The following SLC75A1 variants were observed in gnomAD, a reference collection of about 807,000 sequenced individuals.
SLC75A1 encodes the protein solute carrier family 75 member 1.
the SLC75A1 span, chr4:2,932,321 A>T: frequency 6.2e-7 from 1 of 1,602,802 alleles, no homozygotes; most frequent in Non-Finnish European, 8.5e-7. Context: ...TCCAGCCCCT[A>T]GGCCTGTGGG....
the SLC75A1 span, chr4:2,931,692 C>T: frequency 1.9e-6 from 3 of 1,598,774 alleles, no homozygotes; most frequent in African/African-American, 4.0e-5. Flanking sequence ...GTGCAGGGCA[C>T]CCGGGGCAGG....
At chr4:2,931,663 G>A in the SLC75A1 span, 2 of 1,611,848 alleles carry the variant, frequency 1.2e-6, no homozygotes, top group Middle Eastern at 3.3e-4. Context: ...CCTGCTGTAG[G>A]CTGGGAGCGG....
At chr4:2,932,442 T>G in the SLC75A1 span, 2 of 1,613,658 alleles carry the variant, frequency 1.2e-6, no homozygotes, top group Middle Eastern at 3.3e-4. Flanking sequence ...GGGTGCCATT[T>G]CCAGGGGCAG....
chr4:2,930,755 G>C, the SLC75A1 span: 1 of 1,462,772 alleles, frequency 6.8e-7, no homozygotes, highest in Non-Finnish European at 9.2e-7. Flanking sequence ...GGACTGGCGG[G>C]GGGTGGGGGT....
the SLC75A1 span, chr4:2,933,043 C>T: frequency 5.9e-6 from 9 of 1,513,632 alleles, no homozygotes; most frequent in Non-Finnish European, 6.4e-6. Context: ...CCACCTAACC[C>T]CATGGGGCTA....
the SLC75A1 span, chr4:2,932,366 C>T: frequency 8.1e-6 from 13 of 1,613,172 alleles, no homozygotes; most frequent in Non-Finnish European, 1.1e-5. Flanking sequence ...TCTCCAGGGG[C>T]AGCGTCTCTG....
At chr4:2,932,716 T>C in the SLC75A1 span, 1 of 1,598,878 alleles carries the variant, frequency 6.3e-7, no homozygotes, top group Non-Finnish European at 8.5e-7. Context: ...GCCGCAAAGC[T>C]CCGAGAGGTG....
the SLC75A1 span, chr4:2,932,683 CA>C: frequency 6.2e-7 from 1 of 1,610,098 alleles, no homozygotes; most frequent in Non-Finnish European, 8.5e-7. Context: ...CTGATGCCCC[CA>C]ATCAGCCTGG....
At chr4:2,931,755 G>C in the SLC75A1 span, 1 of 1,539,764 alleles carries the variant, frequency 6.5e-7, no homozygotes, top group South Asian at 1.2e-5. Flanking sequence ...TCCTGGGGAT[G>C]GGGGTTGCTT....
the SLC75A1 span, chr4:2,934,037 A>G: frequency 8.5e-7 from 1 of 1,180,544 alleles, no homozygotes; most frequent in Non-Finnish European, 1.2e-6. Context: ...AGCACCCTAA[A>G]GGGGCTGATG....
At chr4:2,933,179 T>C in the SLC75A1 span, 19 of 1,613,442 alleles carry the variant, frequency 1.2e-5, no homozygotes, top group Admixed American at 1.3e-4. Context: ...ACACAGAAAC[T>C]GCAGGACAGA....
At chr4:2,933,609 C>T in the SLC75A1 span, 14 of 1,613,470 alleles carry the variant, frequency 8.7e-6, no homozygotes, top group East Asian at 2.2e-5. Context: ...ACTGGCATCC[C>T]GATGGCGGTG....
chr4:2,932,477 G>A, the SLC75A1 span: 4 of 1,613,710 alleles, frequency 2.5e-6, no homozygotes, highest in African/African-American at 2.7e-5. Flanking sequence ...TAGGGCCCAG[G>A]GTGAAGCCCA....
At chr4:2,931,214 G>T in the SLC75A1 span, 1 of 1,562,570 alleles carries the variant, frequency 6.4e-7, no homozygotes, top group Non-Finnish European at 8.7e-7. Flanking sequence ...TCGGCCGAGG[G>T]AAGGGGGCTC....
chr4:2,933,081 T>C, the SLC75A1 span: 48 of 1,608,304 alleles, frequency 3.0e-5, no homozygotes, highest in East Asian at 4.0e-4. Context: ...GGCTTCCCCA[T>C]GGGCACCCAG....
the SLC75A1 span, chr4:2,931,244 G>C: frequency 2.6e-6 from 4 of 1,564,418 alleles, no homozygotes; most frequent in South Asian, 4.7e-5. Flanking sequence ...AGCGACCACG[G>C]AGGACAGGCA....
the SLC75A1 span, chr4:2,931,499 G>GT: frequency 6.3e-7 from 1 of 1,589,188 alleles, no homozygotes; most frequent in Non-Finnish European, 8.6e-7. Flanking sequence ...AGCACAGCCC[G>GT]TGCCCTGCAG....
the SLC75A1 span, chr4:2,932,103 G>T: frequency 6.2e-7 from 1 of 1,610,740 alleles, no homozygotes; most frequent in South Asian, 1.1e-5. Flanking sequence ...GCAGGGCCAG[G>T]GGGCTGAGCA....
chr4:2,934,146 C>G, the SLC75A1 span: 10 of 598,516 alleles, frequency 1.7e-5, no homozygotes, highest in African/African-American at 1.5e-4. Flanking sequence ...GGGGATTGCA[C>G]AAAAAATAGC....
Sources: gnomAD v4.1 joint callset for allele counts on GRCh38, gnomAD v4.1.1 for gene constraint, MANE v1.5 for transcripts, NCBI Gene and HGNC (gene_info 2026-07-23, HGNC 2026-07-21) for gene names.